NCF2: variants seen among roughly 807,000 people sequenced by gnomAD.
NCF2 encodes the protein neutrophil cytosol factor 2.
NCF2 carries 45 observed loss-of-function variants against 70.9 expected under a neutral mutation model. The ratio of observed to expected loss-of-function variants is 0.63; its 90% confidence interval spans 0.50 to 0.81. The LOEUF (loss-of-function observed/expected upper bound fraction) is 0.81. NCF2 is among the 40% of genes least tolerant of loss of function. NCF2 has a pLI of 0.00. For missense variants in NCF2, 522 were observed against 631.6 expected (o/e 0.83, Z 1.86); for synonymous variants, 203 against 233.6 (o/e 0.87, Z 1.19).
the NCF2 span, among the ~76,000 whole-genome samples, chr1:183,598,741 T>C: frequency 6.6e-6 from 1 of 152,188 alleles, no homozygotes; most frequent in Non-Finnish European, 1.5e-5. Flanking sequence ...CTTCCAGCTA[T>C]ACAGATAATT....
intron 14 of NCF2, among the ~76,000 whole-genome samples, chr1:183,559,857 TCAAAAA>T (rs933425397): frequency 6.6e-5 from 10 of 152,110 alleles, no homozygotes; most frequent in South Asian, 2.1e-4. Context: ...GGACTCTGTC[TCAAAAA>T]CAAAAACAAA....
At position 183,577,148 on chromosome 1, in the gene NCF2, G is replaced by A. The variant is rs181948236; in HGVS notation, c.366+451C>T. 1.1e-3 allele frequency among the ~76,000 whole-genome samples: 174 copies of A among 152,258 alleles called. 1 individual carries two copies. The highest frequency in any genetic ancestry group is 2.7e-3 in the Admixed American group (41 of 15,304). On this transcript the variant is annotated intron_variant, in intron 3 of 14. Coordinates refer to ENST00000367535, the MANE Select transcript of NCF2 (RefSeq NM_000433.4). ...AGAACCATGGATAGTAAAGAGTGTG[G>A]TCTATAAACTTGGGAACTGAGCAAG... is the stretch of plus-strand genomic sequence containing the variant.
chr1:183,570,850 G>C lies in NCF2; in HGVS notation c.610-11C>G. ...CACAGATGCCACGACCTAAAATCAA[G>C]GACAGGAGGGTGTGAGGCTCTGCCA... On this transcript the variant is annotated splice_polypyrimidine_tract_variant and intron_variant, in intron 5 of 14. Coordinates refer to ENST00000367535, the MANE Select transcript of NCF2 (RefSeq NM_000433.4). 6.2e-7 allele frequency: 1 copy of C among 1,614,016 alleles called. No individual in the cohort carries two copies. Among genetic ancestry groups the C allele is most frequent in the African/African-American group, 1.3e-5 (1 of 75,044 alleles).
intron 5 of NCF2, 102 bp downstream of exon 5, chr1:183,573,083 A>G: frequency 1.9e-6 from 2 of 1,047,076 alleles, no homozygotes; most frequent in Non-Finnish European, 3.0e-6. Flanking sequence ...TCCCAGGGAC[A>G]GAGCCACAAG....
At chr1:183,564,439 G>A (rs951347047) in intron 10 of NCF2, among the ~76,000 whole-genome samples, 10 of 152,184 alleles carry the variant, frequency 6.6e-5, no homozygotes, top group Non-Finnish European at 7.4e-5. Flanking sequence ...TTTTGTGTAT[G>A]TTTCCTAAAG....
At chr1:183,574,691 A>G (rs1572163526) in intron 3 of NCF2, 70 bp from the exon 4 acceptor site, 1 of 1,567,942 alleles carries the variant, frequency 6.4e-7, no homozygotes, top group South Asian at 1.1e-5. Flanking sequence ...AAAGGCTCAC[A>G]CGTATACTCT....
chr1:183,557,619 A>G (rs1375877003), intron 14 of NCF2, among the ~76,000 whole-genome samples: 1 of 152,172 alleles, frequency 6.6e-6, no homozygotes, highest in Non-Finnish European at 1.5e-5. Context: ...GTGCTACAAT[A>G]TGGGTATTTC....
upstream of NCF2, among the ~76,000 whole-genome samples, chr1:183,591,273 C>G (rs1044997405): frequency 6.6e-6 from 1 of 152,242 alleles, no homozygotes; most frequent in Non-Finnish European, 1.5e-5. Context: ...TCCTGTGTCA[C>G]TGGGCCTTGA....
At position 183,556,040 on chromosome 1, in the gene NCF2, A is replaced by G. The variant is rs568830928; in HGVS notation, c.*78T>C. ...CCAAACTGTAATGTCTCAGTACAGT[A>G]TACAGCAGAAGGGTGCTAAATCTTA... On this transcript the variant is annotated 3_prime_UTR_variant, in exon 15 of 15. Coordinates refer to ENST00000367535, the MANE Select transcript of NCF2 (RefSeq NM_000433.4). 1.7e-6 allele frequency: 2 copies of G among 1,169,560 alleles called. No individual in the cohort carries two copies. The highest frequency in any genetic ancestry group is 2.5e-5 in the South Asian group (2 of 81,378). The allele number at this position is 1,169,560 out of a possible 1,614,324, so 72.4% of individuals were successfully genotyped here.
intron 3 of NCF2, among the ~76,000 whole-genome samples, chr1:183,575,738 G>A (rs1228675992): frequency 3.3e-5 from 5 of 152,190 alleles, no homozygotes; most frequent in Non-Finnish European, 7.3e-5. Flanking sequence ...ACAAGACTTA[G>A]GCAGCCCTAG....
At position 183,566,909 on chromosome 1, in the gene NCF2, C is replaced by T; in HGVS notation, c.924+11G>A. ...TGAGAGGAAATGGGTCAGGCCTTGG[C>T]ATCACATTACCTGGGGCTGCTGCTG... On this transcript the variant is annotated intron_variant, in intron 9 of 14. Coordinates refer to ENST00000367535, the MANE Select transcript of NCF2 (RefSeq NM_000433.4). 3.1e-6 allele frequency: 5 copies of T among 1,613,720 alleles called. No individual in the cohort carries two copies. Among genetic ancestry groups the T allele is most frequent in the Non-Finnish European group, 4.2e-6 (5 of 1,180,006 alleles).
At chr1:183,595,006 C>G (rs1673742214), upstream of NCF2, among the ~76,000 whole-genome samples, 2 of 152,216 alleles carry the variant, frequency 1.3e-5, no homozygotes, top group South Asian at 4.1e-4. Flanking sequence ...CACGTAGTAG[C>G]TGCTCCGTGA....
At chr1:183,599,453 T>TC in the NCF2 span, among the ~76,000 whole-genome samples, 7,578 of 103,068 alleles carry the variant, frequency 0.074, 312 homozygotes, top group Non-Finnish European at 0.11. Context: ...TTTCTTTCTT[T>TC]CTTTCTTTCT....
chr1:183,601,727 G>T, the NCF2 span, among the ~76,000 whole-genome samples: 5 of 151,938 alleles, frequency 3.3e-5, no homozygotes, highest in East Asian at 1.9e-4. Context: ...GCATGGCGGC[G>T]GGCACCTGTA....
intron 14 of NCF2, 57 bp downstream of exon 14, chr1:183,560,039 T>G: frequency 2.6e-6 from 4 of 1,555,736 alleles, no homozygotes; most frequent in Non-Finnish European, 3.5e-6. Context: ...TCTCTGCCCT[T>G]GACCTTGTTT....
chr1:183,593,863 C>T (rs1019970012), upstream of NCF2, among the ~76,000 whole-genome samples: 5 of 152,200 alleles, frequency 3.3e-5, no homozygotes, highest in African/African-American at 7.2e-5. Context: ...TGAAGCCATG[C>T]GCTTCAGGAG....
rs151172473 is a variant in NCF2, at chr1:183,575,441, G to A, written c.367-820C>T. 5.3e-5 allele frequency among the ~76,000 whole-genome samples: 8 copies of A among 150,622 alleles called. No homozygotes were observed. In the East Asian group the frequency reaches 7.8e-4, roughly 15 times the overall value. On this transcript the variant is annotated intron_variant, in intron 3 of 14. Coordinates refer to ENST00000367535, the MANE Select transcript of NCF2 (RefSeq NM_000433.4). ...AGCCAGGGGCACCTTCACCTCAGGTGGGGGGGGAATGGTAAATGCAACAGT... is the reference window on the plus strand; with the variant it reads ...AGCCAGGGGCACCTTCACCTCAGGTAGGGGGGGAATGGTAAATGCAACAGT...
intron 1 of NCF2, among the ~76,000 whole-genome samples, chr1:183,589,257 G>A (rs1479552597): frequency 3.3e-5 from 5 of 152,156 alleles, no homozygotes; most frequent in African/African-American, 7.2e-5. Context: ...GGCAGTAATC[G>A]GTAAAAATAA....
chr1:183,566,988 T>C lies in NCF2; in HGVS notation c.856A>G (p.Lys286Glu). ...AGGTAGTTGCAGGGAACAAGCCCCT[T>C]CTGCAGTGCAGCACCACAGAATCAG... Reference protein sequence around the residue: ...NWATVMFNGQKGLVPCNYLEP... With the variant: ...NWATVMFNGQEGLVPCNYLEP... The change falls in exon 9 of 15, where the codon AAG (lysine) becomes GAG (glutamate). Residue 286 changes from lysine to glutamate, a missense_variant and splice_region_variant. Lys to Glu is a moderately conservative substitution (Grantham distance 56, BLOSUM62 1). Coordinates refer to ENST00000367535, the MANE Select transcript of NCF2 (RefSeq NM_000433.4). 6.2e-7 allele frequency: 1 copy of C among 1,614,178 alleles called. No homozygotes were observed. The highest frequency in any genetic ancestry group is 8.5e-7 in the Non-Finnish European group (1 of 1,180,032).
Sources: gnomAD v4.1 joint callset for allele counts (sites outside exome capture counted in the v4.1 genomes callset) on GRCh38, gnomAD v4.1.1 for gene constraint, MANE v1.5 for transcripts, NCBI Gene and HGNC (gene_info 2026-07-23, HGNC 2026-07-21) for gene names.